Variants in DCC observed in about 807,000 individuals in gnomAD.
The protein encoded by DCC is DCC netrin 1 receptor, also known as netrin receptor DCC.
DCC carries 58 observed loss-of-function variants against 172.5 expected under a neutral mutation model. That is an observed-to-expected ratio of 0.34 (90% confidence interval 0.27 to 0.42). The LOEUF (loss-of-function observed/expected upper bound fraction) is 0.42, where lower values mean the gene tolerates loss of function less well. Ranked by LOEUF, DCC falls within the 10% of genes least tolerant of loss-of-function variation. The probability of loss-of-function intolerance (pLI) is 1.00; values close to 1 mark genes in which losing one functional copy is unlikely to be tolerated. For synonymous variants in DCC, 709 were observed against 644.5 expected (o/e 1.10, Z -1.52); for missense variants, 1,740 against 1,791.0 (o/e 0.97, Z 0.51).
At chr18:53,230,815 T>C (rs2056109771) in intron 12 of DCC, among the ~76,000 whole-genome samples, 2 of 152,036 alleles carry the variant, frequency 1.3e-5, no homozygotes, top group Non-Finnish European at 2.9e-5. Flanking sequence ...TTTCAATCAT[T>C]CACCTGTATG....
At position 53,428,481 on chromosome 18, in the gene DCC, A is replaced by AATTT. The variant is rs1256429072; in HGVS notation, c.3164-6663_3164-6662insATTT. 3.4e-5 allele frequency among the ~76,000 whole-genome samples: 2 copies of AATTT among 58,470 alleles called. 1 individual carries two copies. Among genetic ancestry groups the AATTT allele is most frequent in the Non-Finnish European group, 6.8e-5 (2 of 29,440 alleles). 38.4% of individuals were successfully genotyped at this position (58,470 alleles called of 152,430 possible). On this transcript the variant is annotated intron_variant, in intron 21 of 28. Transcript: ENST00000442544. ...ATATATATTATATAATATATAATAT[A>AATTT]TATTTTTTATATATTTATATTGTAT...
intron 1 of DCC, among the ~76,000 whole-genome samples, chr18:52,493,362 A>T (rs954349122): frequency 1.3e-5 from 2 of 152,050 alleles, no homozygotes; most frequent in Non-Finnish European, 2.9e-5. Context: ...AATAAAAAGC[A>T]CTAGTCCACA....
chr18:53,249,848 C>A (rs2056407930), intron 12 of DCC, among the ~76,000 whole-genome samples: 2 of 151,912 alleles, frequency 1.3e-5, no homozygotes, highest in Admixed American at 6.6e-5. Flanking sequence ...TTGTAAATCT[C>A]TGAAGACATT....
At chr18:53,029,326 G>C (rs1222898599) in intron 5 of DCC, among the ~76,000 whole-genome samples, 1 of 152,164 alleles carries the variant, frequency 6.6e-6, no homozygotes, top group African/African-American at 2.4e-5. Flanking sequence ...CATTAGAACA[G>C]TGTCACCTGT....
intron 22 of DCC, among the ~76,000 whole-genome samples, chr18:53,444,229 T>C (rs1912454531): frequency 6.6e-6 from 1 of 152,214 alleles, no homozygotes; most frequent in South Asian, 2.1e-4. Context: ...CAGCAAACTT[T>C]ATTGTTTTCT....
intron 1 of DCC, among the ~76,000 whole-genome samples, chr18:52,717,147 G>C (rs980881049): frequency 6.6e-6 from 1 of 152,156 alleles, no homozygotes; most frequent in Admixed American, 6.5e-5. Flanking sequence ...GATTGACCGA[G>C]AGTTGTCTAG....
intron 5 of DCC, among the ~76,000 whole-genome samples, chr18:52,992,132 C>A (rs1044687149): frequency 1.3e-5 from 2 of 152,136 alleles, no homozygotes; most frequent in African/African-American, 4.8e-5. Context: ...GCCCTTTATG[C>A]GAATGGTGGA....
At chr18:53,091,900 TGA>T (rs2043019060) in intron 7 of DCC, among the ~76,000 whole-genome samples, 1 of 151,806 alleles carries the variant, frequency 6.6e-6, no homozygotes, top group South Asian at 2.1e-4. Flanking sequence ...TCTTTAAATT[TGA>T]TATATTTATC....
chr18:52,804,386 G>A (rs1169628482), intron 2 of DCC, among the ~76,000 whole-genome samples: 4 of 152,134 alleles, frequency 2.6e-5, no homozygotes, highest in African/African-American at 9.7e-5. Flanking sequence ...ACCAAAATCT[G>A]TTGTTCTTCA....
chr18:53,150,162 G>C (rs1248220092), intron 7 of DCC, among the ~76,000 whole-genome samples: 1 of 152,118 alleles, frequency 6.6e-6, no homozygotes, highest in East Asian at 1.9e-4. Context: ...AAAATAAAAT[G>C]TTCTCACCCC....
chr18:53,351,489 T>C lies in DCC; in HGVS notation c.2359+11582T>C, dbSNP rs1280858180. 1.3e-4 allele frequency among the ~76,000 whole-genome samples: 9 copies of C among 67,192 alleles called. 1 individual carries two copies. Among genetic ancestry groups the C allele is most frequent in the Non-Finnish European group, 1.8e-4 (6 of 33,260 alleles). 44.1% of individuals were successfully genotyped at this position (67,192 alleles called of 152,430 possible). A position where few individuals can be genotyped will look rare whatever the true frequency, so the allele number is the denominator to read the frequency against. The stretch of plus-strand genomic sequence containing the variant: ...GTGTATATATATATATATATATATA[T>C]AGTGTGTATATATATATATATATAA... On this transcript the variant is annotated intron_variant, in intron 15 of 28. Transcript: ENST00000442544.
At chr18:53,171,525 A>AT (rs764726096) in intron 8 of DCC, among the ~76,000 whole-genome samples, 24 of 152,206 alleles carry the variant, frequency 1.6e-4, no homozygotes, top group Non-Finnish European at 3.1e-4. Context: ...TTATACATAA[A>AT]TTTTTTATGA....
chr18:52,373,399 T>C lies in DCC; in HGVS notation c.91+32521T>C, dbSNP rs924264015. ...GTAGTGCCCACAAATCAGCAATTTTTCAGCTGCTTATTAAACATAGTAGTG... is the reference window on the plus strand; with the variant it reads ...GTAGTGCCCACAAATCAGCAATTTTCCAGCTGCTTATTAAACATAGTAGTG... On this transcript the variant is annotated intron_variant, in intron 1 of 28. Coordinates refer to ENST00000442544, the MANE Select transcript of DCC (RefSeq NM_005215.4). Among the ~76,000 whole-genome samples the C allele has an allele frequency of 5.9e-5, 9 of 152,216 alleles. No individual in the cohort carries two copies. The South Asian group carries it at 1.0e-3, about 17-fold the overall frequency.
chr18:52,775,799 A>T (rs1371618482), intron 2 of DCC, among the ~76,000 whole-genome samples: 1 of 152,156 alleles, frequency 6.6e-6, no homozygotes, highest in Non-Finnish European at 1.5e-5. Context: ...CAGGCCCAGG[A>T]TGGGAATGTG....
chr18:52,938,928 T>A (rs572630711), intron 5 of DCC, among the ~76,000 whole-genome samples: 2 of 152,074 alleles, frequency 1.3e-5, no homozygotes, highest in South Asian at 2.1e-4. Flanking sequence ...TCCTAACTTG[T>A]CTCTCTTCCA....
rs544945580 is a variant in DCC, at chr18:53,344,608, A to T, written c.2359+4701A>T. On this transcript the variant is annotated intron_variant, in intron 15 of 28. Transcript: ENST00000442544. ...AAGCGTGCGCCATCGTGCCTGGCTA[A>T]TTTTTGTATTTTTAGTGGAGACGGG... Among the ~76,000 whole-genome samples the T allele has an allele frequency of 7.3e-5, 11 of 151,176 alleles. No individual in the cohort carries two copies. In the East Asian group the frequency reaches 2.1e-3, roughly 29 times the overall value.
intron 7 of DCC, among the ~76,000 whole-genome samples, chr18:53,123,690 T>C (rs2043515408): frequency 6.6e-6 from 1 of 152,116 alleles, no homozygotes; most frequent in Admixed American, 6.6e-5. Flanking sequence ...CTTTGGTTTT[T>C]CTTTGTTTCA....
At chr18:52,815,374 ATAG>A (rs1370510497) in intron 2 of DCC, among the ~76,000 whole-genome samples, 48 of 151,764 alleles carry the variant, frequency 3.2e-4, no homozygotes, top group African/African-American at 1.2e-3. Context: ...AGAGGAAGAG[ATAG>A]TAGAGCGCTC....
intron 1 of DCC, among the ~76,000 whole-genome samples, chr18:52,650,526 T>G (rs2035110934): frequency 6.6e-6 from 1 of 151,924 alleles, no homozygotes; most frequent in African/African-American, 2.4e-5. Flanking sequence ...CCAACCTCTG[T>G]TTTTTTTGTC....
Sources: gnomAD v4.1 joint callset for allele counts (sites outside exome capture counted in the v4.1 genomes callset) on GRCh38, gnomAD v4.1.1 for gene constraint, MANE v1.5 for transcripts, NCBI Gene and HGNC (gene_info 2026-07-23, HGNC 2026-07-21) for gene names.